Variants in DOCK7 observed in about 807,000 individuals in gnomAD.
DOCK7 encodes dedicator of cytokinesis protein 7.
Under a neutral mutation model 271.0 loss-of-function variants are expected in DOCK7, and 138 were observed. The ratio of observed to expected loss-of-function variants is 0.51; its 90% confidence interval spans 0.44 to 0.59. The LOEUF is 0.59. DOCK7 is among the 20% of genes least tolerant of loss of function. The pLI is 0.00. For synonymous variants in DOCK7, 823 were observed against 876.1 expected (o/e 0.94, Z 1.07); for missense variants, 2,066 against 2,592.4 (o/e 0.80, Z 4.41).
chr1:62,574,833 G>A (rs1646896652), intron 18 of DOCK7, among the ~76,000 whole-genome samples: 1 of 152,088 alleles, frequency 6.6e-6, no homozygotes, highest in African/African-American at 2.4e-5. Context: ...GGGTTCAAGC[G>A]ATTCTCACGC....
chr1:62,529,740 T>C (rs1474236078), intron 29 of DOCK7, among the ~76,000 whole-genome samples: 1 of 152,212 alleles, frequency 6.6e-6, no homozygotes, highest in African/African-American at 2.4e-5. Context: ...TATTTGAATA[T>C]AAAGAAACTA....
chr1:62,655,682 C>T (rs1457555458), intron 2 of DOCK7, among the ~76,000 whole-genome samples: 1 of 152,206 alleles, frequency 6.6e-6, no homozygotes, highest in East Asian at 1.9e-4. Context: ...CTGCTTCGGC[C>T]TCCCGAAGTG....
chr1:62,553,022 A>G (rs1645962554), intron 21 of DOCK7, 121 bp from the exon 22 acceptor site: 1 of 679,078 alleles, frequency 1.5e-6, no homozygotes. Context: ...GTTTCTAAAT[A>G]AAAAATATAC....
intron 8 of DOCK7, 75 bp from the exon 9 acceptor site, chr1:62,634,997 C>T: frequency 1.1e-6 from 1 of 928,994 alleles, no homozygotes; most frequent in Non-Finnish European, 1.6e-6. Flanking sequence ...AAAGCTGCTT[C>T]TGCTACTTAC....
In DOCK7 at chr1:62,654,008, A is replaced by G. The variant is rs1657685500; in HGVS notation, c.296T>C (p.Leu99Pro). Reference sequence around the variant, plus strand: ...CCTTTCTTCAGGTACAGCTGAAACAAGAGTTCTGCAGTCCCGAGGACTATA... The same window carrying G: ...CCTTTCTTCAGGTACAGCTGAAACAGGAGTTCTGCAGTCCCGAGGACTATA... ...VVYSPRDCRTLVSAVPEESEM... is the reference protein window; with the variant it reads ...VVYSPRDCRTPVSAVPEESEM... Residue 99 changes from leucine (L) to proline (P), a missense_variant, in exon 3 of 50, where the codon CTT becomes CCT. Physicochemically the swap from Leu to Pro is moderately conservative, Grantham distance 98. Coordinates refer to ENST00000635253, the MANE Select transcript of DOCK7 (RefSeq NM_001367561.1). The G allele has an allele frequency of 6.2e-7, 1 of 1,613,522 alleles. No individual in the cohort carries two copies.
At chr1:62,487,070 A>G (rs1165960720) in intron 43 of DOCK7, 4 of 195,438 alleles carry the variant, frequency 2.0e-5, no homozygotes, top group Non-Finnish European at 4.2e-5. Context: ...AGGTGAAACA[A>G]TATGGTTAAA....
chr1:62,463,206 C>A lies in DOCK7; in HGVS notation c.6213-5501G>T, dbSNP rs574549833. Among the ~76,000 whole-genome samples the A allele has an allele frequency of 2.0e-5, 3 of 152,214 alleles. No homozygotes were observed. The East Asian group carries it at 5.8e-4, about 29-fold the overall frequency. On this transcript the variant is annotated intron_variant, in intron 48 of 49. Coordinates refer to ENST00000635253, the MANE Select transcript of DOCK7 (RefSeq NM_001367561.1). ...GAGAAATGGCTAACAGACACATGAA[C>A]CTCTTTGGTAAAGAGATATTCAACC...
At chr1:62,531,522 C>T (rs1328692467) in intron 29 of DOCK7, among the ~76,000 whole-genome samples, 1 of 152,162 alleles carries the variant, frequency 6.6e-6, no homozygotes, top group African/African-American at 2.4e-5. Flanking sequence ...GAACATAAAT[C>T]CTCTCATCTT....
intron 16 of DOCK7, among the ~76,000 whole-genome samples, chr1:62,582,603 CA>C (rs910254260): frequency 4.7e-4 from 64 of 135,424 alleles, no homozygotes; most frequent in East Asian, 8.7e-4. Flanking sequence ...CTGTGGGCCC[CA>C]AAAAAAAAAA....
chr1:62,584,384 C>T (rs1647261939), intron 15 of DOCK7: 2 of 988,234 alleles, frequency 2.0e-6, no homozygotes, highest in Non-Finnish European at 2.4e-6. Context: ...AAAAAGTTAT[C>T]TTAGGACCCA....
At chr1:62,669,572 T>A (rs1375911645) in intron 1 of DOCK7, among the ~76,000 whole-genome samples, 1 of 152,228 alleles carries the variant, frequency 6.6e-6, no homozygotes, top group Non-Finnish European at 1.5e-5. Context: ...GTTTTCAAAC[T>A]CTAGTGGCAT....
chr1:62,519,003 C>CAA (rs1211806450), intron 31 of DOCK7, among the ~76,000 whole-genome samples: 1 of 33,442 alleles, frequency 3.0e-5, no homozygotes, highest in Non-Finnish European at 5.8e-5. Context: ...AAAAGTCATG[C>CAA]TATACACACA....
intron 37 of DOCK7, among the ~76,000 whole-genome samples, chr1:62,503,848 C>A (rs1342629595): frequency 2.0e-5 from 3 of 152,002 alleles, no homozygotes; most frequent in Non-Finnish European, 4.4e-5. Context: ...GAGATCGAGA[C>A]CATCCTGGCT....
intron 10 of DOCK7, among the ~76,000 whole-genome samples, chr1:62,632,088 C>A (rs1388827236): frequency 6.6e-6 from 1 of 152,158 alleles, no homozygotes; most frequent in Non-Finnish European, 1.5e-5. Flanking sequence ...AGACTGAAAC[C>A]TATACTACCT....
chr1:62,475,432 G>T (rs1436149983), intron 46 of DOCK7, 81 bp from the exon 47 acceptor site: 3 of 1,242,440 alleles, frequency 2.4e-6, no homozygotes, highest in Non-Finnish European at 3.2e-6. Context: ...ACTGAAATTA[G>T]AAAAAAAAAA....
intron 9 of DOCK7, 144 bp from the exon 10 acceptor site, chr1:62,633,722 G>C: frequency 1.7e-6 from 1 of 600,336 alleles, no homozygotes; most frequent in East Asian, 2.8e-5. Flanking sequence ...ACAAACATTA[G>C]ACAAAATTCA....
At chr1:62,663,396 C>A (rs1270712480) in intron 1 of DOCK7, among the ~76,000 whole-genome samples, 1 of 152,098 alleles carries the variant, frequency 6.6e-6, no homozygotes, top group Admixed American at 6.5e-5. Context: ...TTAGGGAACA[C>A]ACTTTGGCCT....
At chr1:62,625,519 G>A in intron 11 of DOCK7, 118 bp from the exon 12 acceptor site, 1 of 987,554 alleles carries the variant, frequency 1.0e-6, no homozygotes, top group Non-Finnish European at 1.5e-6. Flanking sequence ...AGCATATCAA[G>A]TATAGTAGGA....
chr1:62,636,177 G>A (rs958460135), intron 8 of DOCK7, among the ~76,000 whole-genome samples: 2 of 152,168 alleles, frequency 1.3e-5, no homozygotes, highest in African/African-American at 4.8e-5. Flanking sequence ...GCGTGAACCT[G>A]GGAGGCGGAG....
Sources: allele counts gnomAD v4.1 joint callset (sites outside exome capture counted in the v4.1 genomes callset), GRCh38; gene constraint gnomAD v4.1.1; transcripts MANE v1.5; gene names NCBI Gene and HGNC (gene_info 2026-07-23, HGNC 2026-07-21).